Variants in PPM1E observed in about 807,000 individuals in gnomAD.
PPM1E encodes protein phosphatase, Mg2+/Mn2+ dependent 1E.
Under a neutral mutation model 65.9 loss-of-function variants are expected in PPM1E, and 20 were observed. The observed-to-expected ratio is 0.30, with a 90% confidence interval of 0.21 to 0.44. The LOEUF (loss-of-function observed/expected upper bound fraction) is 0.44. PPM1E is among the 20% of genes least tolerant of loss of function. The pLI, the probability that PPM1E is intolerant of heterozygous loss-of-function variation, is 1.00. For missense variants in PPM1E, 713 were observed against 953.1 expected (o/e 0.75, Z 3.32); for synonymous variants, 352 against 374.9 (o/e 0.94, Z 0.70).
At chr17:58,897,196 C>T (rs564317036) in intron 1 of PPM1E, among the ~76,000 whole-genome samples, 11 of 152,068 alleles carry the variant, frequency 7.2e-5, no homozygotes, top group East Asian at 5.8e-4. Flanking sequence ...TGGTGGATCA[C>T]GAGGTCAGGA....
At chr17:58,855,538 A>C (rs1598612406) in intron 1 of PPM1E, among the ~76,000 whole-genome samples, 1 of 152,226 alleles carries the variant, frequency 6.6e-6, no homozygotes, top group Non-Finnish European at 1.5e-5. Context: ...GCTATTAAGA[A>C]AAATTACAAG....
intron 1 of PPM1E, among the ~76,000 whole-genome samples, chr17:58,948,333 A>G (rs995037371): frequency 1.1e-4 from 16 of 152,038 alleles, no homozygotes; most frequent in African/African-American, 3.6e-4. Flanking sequence ...TGCTAAATGC[A>G]CTCACCCAAC....
intron 1 of PPM1E, chr17:58,835,801 T>G (rs1004143018): frequency 2.0e-5 from 3 of 152,268 alleles, no homozygotes; most frequent in Admixed American, 2.0e-4. Context: ...CCCAGGATTT[T>G]GAGGCTGCAG....
At chr17:58,950,811 C>G in intron 1 of PPM1E, among the ~76,000 whole-genome samples, 2 of 134,572 alleles carry the variant, frequency 1.5e-5, no homozygotes, top group Admixed American at 8.4e-5. Context: ...CGGAGTCTTG[C>G]TCTGTCACCC....
chr17:58,973,328 T>C (rs1466520657), intron 6 of PPM1E, among the ~76,000 whole-genome samples: 2 of 150,132 alleles, frequency 1.3e-5, no homozygotes, highest in Non-Finnish European at 3.0e-5. Flanking sequence ...GAGGCAGGAA[T>C]ATTGCTTGAA....
intron 1 of PPM1E, among the ~76,000 whole-genome samples, chr17:58,860,936 TA>T (rs1210641831): frequency 3.3e-5 from 5 of 149,326 alleles, no homozygotes; most frequent in African/African-American, 9.9e-5. Flanking sequence ...GACTCCGTCT[TA>T]AAAAAAAAGA....
chr17:58,909,924 C>CTTTTTTTTT (rs35833275), intron 1 of PPM1E, among the ~76,000 whole-genome samples: 37 of 90,034 alleles, frequency 4.1e-4, no homozygotes, highest in South Asian at 8.3e-4. Flanking sequence ...TTTTCTTTTT[C>CTTTTTTTTT]TTTTTTTTTT....
chr17:58,901,472 G>A (rs897261239), intron 1 of PPM1E, among the ~76,000 whole-genome samples: 9 of 151,414 alleles, frequency 5.9e-5, no homozygotes, highest in Middle Eastern at 3.4e-3. Flanking sequence ...TCAGGAGTTC[G>A]AGACCAGCCT....
Position 58,973,951 on chromosome 17 carries a change from CAAAAAAAA to C in PPM1E, c.1210+1048_1210+1055del, listed in dbSNP as rs34819561. 6.1e-4 allele frequency among the ~76,000 whole-genome samples: 34 copies of C among 55,494 alleles called. No individual in the cohort carries two copies. In the South Asian group the frequency reaches 0.024, roughly 39 times the overall value. 36.4% of individuals were successfully genotyped at this position (55,494 alleles called of 152,430 possible). ...TGGGCGACAGAGCGAGACTCCATCTCAAAAAAAAAAAAAAAAAAAAAAAAAAAAATTGC... is the reference window on the plus strand; with the variant it reads ...TGGGCGACAGAGCGAGACTCCATCTCAAAAAAAAAAAAAAAAAAAAATTGC... On this transcript the variant is annotated intron_variant, in intron 6 of 6. Coordinates refer to ENST00000308249, the MANE Select transcript of PPM1E (RefSeq NM_014906.5).
At chr17:58,894,788 A>G (rs2051392352) in intron 1 of PPM1E, among the ~76,000 whole-genome samples, 1 of 151,910 alleles carries the variant, frequency 6.6e-6, no homozygotes, top group South Asian at 2.1e-4. Context: ...TACAACTTAT[A>G]TTTTTTGTAT....
intron 1 of PPM1E, among the ~76,000 whole-genome samples, chr17:58,762,112 G>C (rs2049827397): frequency 6.6e-6 from 1 of 152,140 alleles, no homozygotes; most frequent in African/African-American, 2.4e-5. Flanking sequence ...AACTATTACA[G>C]TTTATCTGTG....
At chr17:58,819,276 G>A (rs748427775) in intron 1 of PPM1E, among the ~76,000 whole-genome samples, 4 of 152,150 alleles carry the variant, frequency 2.6e-5, no homozygotes, top group Non-Finnish European at 5.9e-5. Flanking sequence ...CTCTCGTGTA[G>A]CTGGGATTAT....
chr17:58,824,126 G>A (rs555661443), intron 1 of PPM1E, among the ~76,000 whole-genome samples: 1 of 152,086 alleles, frequency 6.6e-6, no homozygotes, highest in Admixed American at 6.6e-5. Context: ...GTTAGAGAAA[G>A]GGTTGGAGAA....
chr17:58,923,444 T>C (rs1479360424), intron 1 of PPM1E, among the ~76,000 whole-genome samples: 1 of 151,720 alleles, frequency 6.6e-6, no homozygotes, highest in Non-Finnish European at 1.5e-5. Flanking sequence ...GGGATCCCAT[T>C]CCTAAAAAAA....
intron 1 of PPM1E, among the ~76,000 whole-genome samples, chr17:58,876,442 A>G (rs954553117): frequency 1.3e-5 from 2 of 152,268 alleles, no homozygotes; most frequent in East Asian, 1.9e-4. Context: ...GTCAATTACT[A>G]GGGAATTCTA....
At chr17:58,875,958 G>T (rs1016555750) in intron 1 of PPM1E, among the ~76,000 whole-genome samples, 1 of 152,212 alleles carries the variant, frequency 6.6e-6, no homozygotes, top group Non-Finnish European at 1.5e-5. Flanking sequence ...ACTTCATGGA[G>T]TATCAATGAC....
chr17:58,936,776 CTTA>C (rs2051986590), intron 1 of PPM1E, among the ~76,000 whole-genome samples: 1 of 152,144 alleles, frequency 6.6e-6, no homozygotes, highest in African/African-American at 2.4e-5. Context: ...TCTAAAGGAA[CTTA>C]TTATCAACCC....
chr17:58,903,508 C>T (rs1795479057), intron 1 of PPM1E, among the ~76,000 whole-genome samples: 1 of 152,186 alleles, frequency 6.6e-6, no homozygotes, highest in Non-Finnish European at 1.5e-5. Context: ...CAGTCTGTAA[C>T]TCAGATCTTC....
At chr17:58,934,186 G>A (rs1196326927) in intron 1 of PPM1E, among the ~76,000 whole-genome samples, 2 of 151,952 alleles carry the variant, frequency 1.3e-5, no homozygotes, top group Admixed American at 6.6e-5. Flanking sequence ...ATGGGGAAGC[G>A]TCTTTCATTA....
Sources: gnomAD v4.1 joint callset for allele counts (sites outside exome capture counted in the v4.1 genomes callset) on GRCh38, gnomAD v4.1.1 for gene constraint, MANE v1.5 for transcripts, NCBI Gene and HGNC (gene_info 2026-07-23, HGNC 2026-07-21) for gene names.